The following KCNAB1 variants were observed in gnomAD, a reference collection of about 807,000 sequenced individuals.
The protein encoded by KCNAB1 is voltage-gated potassium channel subunit beta-1.
In KCNAB1, 35 loss-of-function variants were observed where a neutral mutation model predicts 64.6. The ratio of observed to expected loss-of-function variants is 0.54; its 90% CI spans 0.41 to 0.72. The LOEUF (loss-of-function observed/expected upper bound fraction) is 0.72, where lower values mean the gene tolerates loss of function less well. KCNAB1 is among the 30% of genes least tolerant of loss of function. The pLI is 0.00. For missense variants in KCNAB1, 401 were observed against 512.9 expected, an observed-to-expected ratio of 0.78 and a Z score of 2.11; for synonymous variants, 177 against 183.8, an observed-to-expected ratio of 0.96 and a Z score of 0.30.
chr3:156,363,850 C>T (rs1291832799), intron 1 of KCNAB1, among the ~76,000 whole-genome samples: 1 of 152,188 alleles, frequency 6.6e-6, no homozygotes, highest in Non-Finnish European at 1.5e-5. Context: ...CTCAGATTAA[C>T]CCAACCCATT....
chr3:156,395,544 CAAAAAAAAAAAAAAAAAA>C (rs61017269), intron 1 of KCNAB1, among the ~76,000 whole-genome samples: 44 of 25,454 alleles, frequency 1.7e-3, no homozygotes, highest in Admixed American at 5.5e-3. Flanking sequence ...GACTCCGTCT[CAAAAAAAAAAAAAAAAAA>C]AAAAAAAAAA....
chr3:156,419,867 T>G (rs1430536511), intron 1 of KCNAB1, among the ~76,000 whole-genome samples: 3 of 152,234 alleles, frequency 2.0e-5, no homozygotes, highest in Non-Finnish European at 4.4e-5. Context: ...CTCCCTACAA[T>G]ATAGCATTTG....
intron 3 of KCNAB1, 21 bp from the exon 4 acceptor site, chr3:156,457,432 G>C (rs1427122440): frequency 6.2e-7 from 1 of 1,613,528 alleles, no homozygotes; most frequent in African/African-American, 1.3e-5. Context: ...TTTTCTGAGT[G>C]ACCTTTCTCT....
rs1041125670 is a variant in KCNAB1 at position 156,531,289 on chromosome 3, A to C, written c.1082-120A>C. 9 of 784,526 alleles carry C rather than the reference A, an allele frequency of 1.1e-5. No homozygotes were observed. The African/African-American group carries it at 1.5e-4, about 13-fold the overall frequency. 48.6% of individuals were successfully genotyped at this position (784,526 alleles called of 1,614,324 possible). The stretch of plus-strand genomic sequence containing the variant: ...TTTTTAATCCTAGGAAGCACTGTAC[A>C]TCCTCCACAAAAAGAAGTTAATAAA... On this transcript the variant is annotated intron_variant, in intron 12 of 13. Coordinates refer to ENST00000490337, the MANE Select transcript of KCNAB1 (RefSeq NM_172160.3).
At chr3:156,370,411 C>G (rs1335933295) in intron 1 of KCNAB1, among the ~76,000 whole-genome samples, 1 of 152,144 alleles carries the variant, frequency 6.6e-6, no homozygotes, top group Non-Finnish European at 1.5e-5. Context: ...ATTATCCTGC[C>G]TGAAATTTTT....
At chr3:156,292,661 C>A (rs2107970684) in intron 1 of KCNAB1, among the ~76,000 whole-genome samples, 1 of 152,246 alleles carries the variant, frequency 6.6e-6, no homozygotes, top group African/African-American at 2.4e-5. Flanking sequence ...CCTGCCTTAA[C>A]CTCCTGAGTA....
intron 1 of KCNAB1, among the ~76,000 whole-genome samples, chr3:156,194,190 C>T (rs374689706): frequency 6.6e-6 from 1 of 150,780 alleles, no homozygotes; most frequent in Admixed American, 6.6e-5. Context: ...GCTTGTCATT[C>T]TTTTATATAG....
intron 1 of KCNAB1, among the ~76,000 whole-genome samples, chr3:156,306,412 C>A (rs112023890): frequency 6.2e-4 from 95 of 152,310 alleles, no homozygotes; most frequent in African/African-American, 2.2e-3. Flanking sequence ...AAGATGGGAT[C>A]CTCCAGTTTG....
At chr3:156,392,913 T>C (rs1713152375) in intron 1 of KCNAB1, among the ~76,000 whole-genome samples, 1 of 152,262 alleles carries the variant, frequency 6.6e-6, no homozygotes, top group Admixed American at 6.5e-5. Flanking sequence ...GGTCAGTAAC[T>C]TTACTTTCTC....
At chr3:156,148,718 T>G (rs1035760026) in intron 1 of KCNAB1, among the ~76,000 whole-genome samples, 5 of 152,234 alleles carry the variant, frequency 3.3e-5, no homozygotes, top group African/African-American at 1.2e-4. Context: ...ATCTATCACT[T>G]AGGCATCTTT....
chr3:156,427,126 G>A (rs1715874139), intron 2 of KCNAB1, among the ~76,000 whole-genome samples: 3 of 152,168 alleles, frequency 2.0e-5, no homozygotes, highest in Admixed American at 1.3e-4. Context: ...CTGAGTGCAG[G>A]AAGATGCCCA....
At chr3:156,389,804 G>C (rs1431967352) in intron 1 of KCNAB1, among the ~76,000 whole-genome samples, 3 of 152,162 alleles carry the variant, frequency 2.0e-5, no homozygotes, top group African/African-American at 7.2e-5. Context: ...CTATACTAGT[G>C]GTTGGCAAAC....
intron 1 of KCNAB1, among the ~76,000 whole-genome samples, chr3:156,146,598 A>G (rs954884799): frequency 1.3e-5 from 2 of 152,240 alleles, no homozygotes; most frequent in African/African-American, 4.8e-5. Context: ...TTTTCCTGTA[A>G]AAGGCTAGAT....
chr3:156,261,784 T>G (rs974969098), intron 1 of KCNAB1, among the ~76,000 whole-genome samples: 3 of 151,968 alleles, frequency 2.0e-5, no homozygotes, highest in Non-Finnish European at 2.9e-5. Context: ...TTGCTGGGAT[T>G]TTGATAGGGA....
chr3:156,240,590 G>C (rs1156557618), intron 1 of KCNAB1, among the ~76,000 whole-genome samples: 10 of 152,096 alleles, frequency 6.6e-5, no homozygotes, highest in Admixed American at 2.0e-4. Context: ...TAGACATAAT[G>C]TATTGAGTTT....
At chr3:156,230,615 T>TGA (rs761093113) in intron 1 of KCNAB1, among the ~76,000 whole-genome samples, 300 of 151,360 alleles carry the variant, frequency 2.0e-3, no homozygotes, top group African/African-American at 6.2e-3. Flanking sequence ...GGAATTTACA[T>TGA]GAGAGAGAGA....
At chr3:156,443,286 G>A (rs981482501) in intron 2 of KCNAB1, among the ~76,000 whole-genome samples, 1 of 152,160 alleles carries the variant, frequency 6.6e-6, no homozygotes, top group Non-Finnish European at 1.5e-5. Flanking sequence ...GAAGGTTAGT[G>A]GGGAAGGCAT....
At chr3:156,226,188 A>C (rs1716149073) in intron 1 of KCNAB1, among the ~76,000 whole-genome samples, 1 of 152,236 alleles carries the variant, frequency 6.6e-6, no homozygotes, top group Admixed American at 6.5e-5. Flanking sequence ...CACAGTCACC[A>C]AAACAGCATT....
intron 1 of KCNAB1, among the ~76,000 whole-genome samples, chr3:156,357,116 TTC>T (rs139325515): frequency 4.8e-5 from 7 of 146,318 alleles, no homozygotes; most frequent in Non-Finnish European, 4.5e-5. Flanking sequence ...ATACCACACA[TTC>T]TCTCTCTCTC....
Sources: allele counts gnomAD v4.1 joint callset (sites outside exome capture counted in the v4.1 genomes callset), GRCh38; gene constraint gnomAD v4.1.1; transcripts MANE v1.5; gene names NCBI Gene and HGNC (gene_info 2026-07-23, HGNC 2026-07-21).